Variants in HPD observed in about 807,000 individuals in gnomAD.
HPD encodes 4-hydroxyphenylpyruvic acid oxidase.
HPD carries 35 observed loss-of-function variants against 56.9 expected under a neutral mutation model. That is an observed-to-expected ratio of 0.62 (90% CI 0.47 to 0.82). The LOEUF (loss-of-function observed/expected upper bound fraction) is 0.82, where lower values mean the gene tolerates loss of function less well. Among genes scored for constraint, HPD ranks in the 40% least tolerant of loss-of-function variants. The pLI, the probability that HPD is intolerant of heterozygous loss-of-function variation, is 0.00. For synonymous variants in HPD, 186 were observed against 200.2 expected (o/e 0.93, Z 0.60); for missense variants, 442 against 506.8 (o/e 0.87, Z 1.23).
rs540294470 is a variant in HPD at position 121,845,379 on chromosome 12, A to G, written c.831+1483T>C. Among the ~76,000 whole-genome samples, 185 of 149,412 alleles carry G rather than the reference A, an allele frequency of 1.2e-3. 1 individual carries two copies. Among genetic ancestry groups the G allele is most frequent in the Non-Finnish European group, 2.6e-4 (18 of 67,942 alleles). On this transcript the variant is annotated intron_variant, in intron 11 of 13. Transcript: ENST00000289004. Reference sequence around the variant, plus strand: ...TGGGAGGCCAAGGTGGGCAGATCACAAGATCAGGAGATCGAGACCATCCTG... The same window carrying G: ...TGGGAGGCCAAGGTGGGCAGATCACGAGATCAGGAGATCGAGACCATCCTG...
At chr12:121,876,568 G>A in the HPD span, among the ~76,000 whole-genome samples, 1 of 152,108 alleles carries the variant, frequency 6.6e-6, no homozygotes, top group Non-Finnish European at 1.5e-5. Context: ...TAAGCGGAGG[G>A]TAAGGTTACT....
rs544642571 is a variant in HPD, at chr12:121,839,690, T to A, written c.*38A>T. On this transcript the variant is annotated 3_prime_UTR_variant, in exon 14 of 14. Transcript: ENST00000289004. ...GGGCGAGTTCCAGAATCAGGGGGCG[T>A]GGCTGTGTGGCTGTGGCCTCCGTGG... is the stretch of plus-strand genomic sequence containing the variant. The A allele has an allele frequency of 3.0e-5, 42 of 1,398,070 alleles. No individual in the cohort carries two copies. The highest frequency in any genetic ancestry group is 1.6e-4 in the South Asian group (14 of 86,788). The allele number at this position is 1,398,070 out of a possible 1,614,324, so 86.6% of individuals were successfully genotyped here. A position where few individuals can be genotyped will look rare whatever the true frequency, so the allele number is the denominator to read the frequency against.
At chr12:121,877,487 T>C in the HPD span, among the ~76,000 whole-genome samples, 34 of 151,750 alleles carry the variant, frequency 2.2e-4, no homozygotes, top group African/African-American at 8.0e-4. Flanking sequence ...GTCCCAGCAC[T>C]TTGGGAGGCA....
chr12:121,860,000 A>G (rs1164651030), upstream of HPD, among the ~76,000 whole-genome samples: 3 of 152,188 alleles, frequency 2.0e-5, no homozygotes, highest in Non-Finnish European at 2.9e-5. Flanking sequence ...TCTACTAAAA[A>G]TACAAACATT....
chr12:121,854,771 T>C lies in HPD; in HGVS notation c.346A>G (p.Lys116Glu), dbSNP rs775478030. Residue 116 changes from lysine to glutamate, a missense_variant, in exon 7 of 14, where the codon AAA becomes GAA. Lys to Glu is a moderately conservative substitution (Grantham distance 56, BLOSUM62 1). Coordinates refer to ENST00000289004, the MANE Select transcript of HPD (RefSeq NM_002150.3). ...TCTACCCAGGGCTCCCGCATGATTT[T>C]GGCGCCCCGTTCCCGTGCTTTCTGC... ...IVQKARERGA[K>E]IMREPWVEQD... 3 of 1,614,070 alleles carry C rather than the reference T, an allele frequency of 1.9e-6. No homozygotes were observed. Among genetic ancestry groups the C allele is most frequent in the Non-Finnish European group, 2.5e-6 (3 of 1,179,960 alleles).
At chr12:121,863,130 G>A (rs1174878387), upstream of HPD, among the ~76,000 whole-genome samples, 1 of 152,100 alleles carries the variant, frequency 6.6e-6, no homozygotes, top group African/African-American at 2.4e-5. Flanking sequence ...CTACAGGCAT[G>A]CGCCACCACA....
chr12:121,844,771 C>G (rs921237552), intron 11 of HPD, among the ~76,000 whole-genome samples: 2 of 151,688 alleles, frequency 1.3e-5, no homozygotes, highest in African/African-American at 4.8e-5. Context: ...GTCCCAGCTA[C>G]TTGGGAGGCT....
chr12:121,866,094 G>C (rs543529592), upstream of HPD, among the ~76,000 whole-genome samples: 1 of 152,048 alleles, frequency 6.6e-6, no homozygotes, highest in African/African-American at 2.4e-5. Context: ...TCGGGAGATC[G>C]AGACCATCCT....
rs533052862 is a variant in HPD at position 121,842,998 on chromosome 12, G to A, written c.954+712C>T. On this transcript the variant is annotated intron_variant, in intron 12 of 13. Transcript: ENST00000289004. ...CCTGACCTCATGATCCGCCCGCCTC[G>A]GCCTCCCAAAGTACTGAGATTACAA... 4.0e-5 allele frequency among the ~76,000 whole-genome samples: 6 copies of A among 151,886 alleles called. 1 individual carries two copies. The highest frequency in any genetic ancestry group is 3.9e-4 in the East Asian group (2 of 5,160).
Position 121,843,782 on chromosome 12 carries a change from C to A in HPD, c.882G>T (p.Thr294=), listed in dbSNP as rs200038783. 10 of 1,614,096 alleles carry A rather than the reference C, an allele frequency of 6.2e-6. No individual in the cohort carries two copies. The highest frequency in any genetic ancestry group is 3.3e-5 in the South Asian group (3 of 91,078). The part of the protein sequence containing the change: ...RGLEFLSVPS[T]YYKQLREKLK... ...GCTTCTCCCGCAGTTGTTTGTAGTA[C>A]GTGGAGGGAACAGATAAGAACTCCA... The change falls in exon 12 of 14, where the codon ACG becomes ACT. Residue 294 remains threonine (T), a synonymous_variant. Coordinates refer to ENST00000289004, the MANE Select transcript of HPD (RefSeq NM_002150.3).
chr12:121,855,623 A>T (rs1877962921), intron 6 of HPD, among the ~76,000 whole-genome samples: 1 of 152,056 alleles, frequency 6.6e-6, no homozygotes, highest in Non-Finnish European at 1.5e-5. Flanking sequence ...AGGCTGAGGC[A>T]GGAGAATCGC....
intron 7 of HPD, among the ~76,000 whole-genome samples, chr12:121,853,399 C>T (rs928073097): frequency 5.9e-5 from 9 of 151,756 alleles, no homozygotes; most frequent in South Asian, 2.1e-4. Flanking sequence ...GAGGCTGAGG[C>T]GGGCGGATCA....
the HPD span, among the ~76,000 whole-genome samples, chr12:121,881,160 C>A: frequency 6.6e-6 from 1 of 152,188 alleles, no homozygotes; most frequent in Non-Finnish European, 1.5e-5. Context: ...ATATTAACAC[C>A]CTCACAGGTA....
At position 121,839,533 on chromosome 12, in the gene HPD, C is replaced by G. The variant is rs1321752838; in HGVS notation, c.*195G>C. ...CACAAACACAGACACAGTATTGGAC[C>G]GGGGCACGCTTTAATCGGGAGGGCT... is the stretch of plus-strand genomic sequence containing the variant. On this transcript the variant is annotated 3_prime_UTR_variant, in exon 14 of 14. Coordinates refer to ENST00000289004, the MANE Select transcript of HPD (RefSeq NM_002150.3). 4 of 622,566 alleles carry G rather than the reference C, an allele frequency of 6.4e-6. No individual in the cohort carries two copies. The highest frequency in any genetic ancestry group is 5.3e-5 in the Admixed American group (2 of 37,412). 38.6% of individuals were successfully genotyped at this position (622,566 alleles called of 1,614,324 possible). A position where few individuals can be genotyped will look rare whatever the true frequency, so the allele number is the denominator to read the frequency against.
rs367674632 is a variant in HPD, at chr12:121,857,775, C to G, written c.75G>C (p.Trp25Cys). ...RFLHFHSVTF[W>C]VGNAKQATSF... is the part of the protein sequence containing the mutation. ...CTTCTACCTGCTTGGCGTTGCCAAC[C>G]CAGAAGGTCACAGAGTGGAAGTGGA... The change falls in exon 3 of 14, where the codon TGG (tryptophan) becomes TGC (cysteine). Residue 25 changes from tryptophan to cysteine, a missense_variant. Coordinates refer to ENST00000289004, the MANE Select transcript of HPD (RefSeq NM_002150.3). 1.9e-6 allele frequency: 3 copies of G among 1,614,020 alleles called. No homozygotes were observed. The highest frequency in any genetic ancestry group is 2.5e-6 in the Non-Finnish European group (3 of 1,179,944).
the HPD span, among the ~76,000 whole-genome samples, chr12:121,873,541 G>T: frequency 2.6e-5 from 4 of 152,108 alleles, no homozygotes; most frequent in East Asian, 3.9e-4. Flanking sequence ...TTTTATGGCC[G>T]GGCGCGGTGG....
At chr12:121,862,246 G>T (rs560577205), upstream of HPD, among the ~76,000 whole-genome samples, 83 of 151,848 alleles carry the variant, frequency 5.5e-4, 2 homozygotes, top group South Asian at 0.017. Flanking sequence ...TGATGAAAGA[G>T]TTCCTCTCTA....
the HPD span, among the ~76,000 whole-genome samples, chr12:121,869,213 G>A: frequency 1.3e-5 from 2 of 152,030 alleles, no homozygotes; most frequent in Non-Finnish European, 2.9e-5. Flanking sequence ...AACCGGACAT[G>A]GTGGCAGACG....
intron 11 of HPD, among the ~76,000 whole-genome samples, chr12:121,845,273 C>T (rs954084300): frequency 6.7e-6 from 1 of 149,140 alleles, no homozygotes; most frequent in African/African-American, 2.6e-5. Context: ...CACCACCACA[C>T]CTGGCTAATT....
Sources: allele counts gnomAD v4.1 joint callset (sites outside exome capture counted in the v4.1 genomes callset), GRCh38; gene constraint gnomAD v4.1.1; transcripts MANE v1.5; gene names NCBI Gene and HGNC (gene_info 2026-07-23, HGNC 2026-07-21).